CFAP97: variants seen among roughly 807,000 people sequenced by gnomAD.
CFAP97 encodes cilia- and flagella-associated protein 97.
A neutral mutation model predicts 43.1 loss-of-function variants in CFAP97; 36 were observed. That is an observed-to-expected ratio of 0.84 (90% CI 0.64 to 1.10). The LOEUF is 1.10. Ranked by LOEUF, CFAP97 falls within the 50% of genes least tolerant of loss-of-function variation. The pLI, the probability that CFAP97 is intolerant of heterozygous loss-of-function variation, is 0.00. For synonymous variants in CFAP97, 228 were observed against 225.7 expected (o/e 1.01, Z -0.09); for missense variants, 657 against 620.3 (o/e 1.06, Z -0.63).
At chr4:185,199,836 A>AG (rs943944586) in intron 1 of CFAP97, among the ~76,000 whole-genome samples, 7 of 150,734 alleles carry the variant, frequency 4.6e-5, no homozygotes, top group African/African-American at 1.7e-4. Context: ...CTCAGACAAA[A>AG]AATTCAAAAT....
At position 185,190,499 on chromosome 4, in the gene CFAP97, T is replaced by G. The variant is rs1736190796; in HGVS notation, c.698A>C (p.Gln233Pro). The change falls in exon 2 of 5, where the codon CAG becomes CCG. Residue 233 changes from glutamine to proline, a missense_variant. By Grantham distance (76) the Gln-to-Pro change is moderately conservative. Coordinates refer to ENST00000458385, the MANE Select transcript of CFAP97 (RefSeq NM_020827.3). ...YKSGIKSTET[Q>P]PSSTTPKCGH... is the part of the protein sequence containing the mutation. ...ACATTTTGGTGTAGTACTTGAAGGC[T>G]GTGTTTCTGTCGATTTTATTCCTGA... 1 of 1,613,956 alleles carries G rather than the reference T, an allele frequency of 6.2e-7. No homozygotes were observed. The highest frequency in any genetic ancestry group is 1.7e-5 in the Admixed American group (1 of 60,016).
At chr4:185,206,789 G>A (rs1370690907), upstream of CFAP97, among the ~76,000 whole-genome samples, 6 of 152,122 alleles carry the variant, frequency 3.9e-5, no homozygotes, top group Non-Finnish European at 5.9e-5. Context: ...GATTATGGAG[G>A]CTGAGAACTC....
intron 1 of CFAP97, among the ~76,000 whole-genome samples, chr4:185,193,443 G>C (rs1349046033): frequency 1.3e-5 from 2 of 152,006 alleles, no homozygotes; most frequent in Non-Finnish European, 2.9e-5. Flanking sequence ...TCAGGAGTTC[G>C]AGACTACTCT....
chr4:185,175,927 C>A lies in CFAP97; in HGVS notation c.1179G>T (p.Arg393Ser), dbSNP rs1468738368. The change falls in exon 3 of 5, where the codon AGG becomes AGT. Residue 393 changes from arginine (R) to serine (S), a missense_variant. Physicochemically the swap from Arg to Ser is moderately radical, Grantham distance 110. Transcript: ENST00000458385. ...EVRQIDRENQ[R>S]LLKELSRQAE... ...CCTGTCTTGACAGTTCTTTCAAAAG[C>A]CTCTGATTTTCCCGATCGATCTGTC... 6.2e-7 allele frequency: 1 copy of A among 1,613,734 alleles called. No individual in the cohort carries two copies. The highest frequency in any genetic ancestry group is 8.5e-7 in the Non-Finnish European group (1 of 1,179,892).
intron 2 of CFAP97, among the ~76,000 whole-genome samples, chr4:185,186,302 G>T (rs1438030814): frequency 6.6e-6 from 1 of 152,016 alleles, no homozygotes; most frequent in Non-Finnish European, 1.5e-5. Flanking sequence ...GCGTGGTGGA[G>T]GGCGCCTGTA....
Position 185,175,971 on chromosome 4 carries a change from A to C in CFAP97, c.1135T>G (p.Phe379Val), listed in dbSNP as rs780714040. The C allele has an allele frequency of 6.2e-6, 10 of 1,613,874 alleles. No homozygotes were observed. The highest frequency in any genetic ancestry group is 8.5e-6 in the Non-Finnish European group (10 of 1,179,870). The change falls in exon 3 of 5, where the codon TTC (phenylalanine) becomes GTC (valine). Residue 379 changes from phenylalanine to valine, a missense_variant. Physicochemically the swap from Phe to Val is conservative, Grantham distance 50 (BLOSUM62 -1). Coordinates refer to ENST00000458385, the MANE Select transcript of CFAP97 (RefSeq NM_020827.3). Reference protein sequence around the residue: ...PSVAPGKNYSFTREEVRQIDR... With the variant: ...PSVAPGKNYSVTREEVRQIDR... Reference sequence around the variant, plus strand: ...ATCTGTCTCACCTCTTCTCTTGTGAAAGAGTAGTTTTTCCCGGGTGCTACT... The same window carrying C: ...ATCTGTCTCACCTCTTCTCTTGTGACAGAGTAGTTTTTCCCGGGTGCTACT...
chr4:185,172,434 ACTT>A (rs1735338615), intron 3 of CFAP97, among the ~76,000 whole-genome samples: 1 of 152,132 alleles, frequency 6.6e-6, no homozygotes, highest in South Asian at 2.1e-4. Flanking sequence ...GCACAACACT[ACTT>A]CTTTGTCTGG....
chr4:185,199,682 A>G (rs998883453), intron 1 of CFAP97, among the ~76,000 whole-genome samples: 3 of 152,184 alleles, frequency 2.0e-5, no homozygotes, highest in African/African-American at 7.2e-5. Flanking sequence ...AAAAACAAAA[A>G]AGAAAAAATC....
chr4:185,209,744 C>G, upstream of CFAP97: 1 of 984,026 alleles, frequency 1.0e-6, no homozygotes, highest in South Asian at 4.7e-5. The surrounding 1 kb of genome is among the most constrained non-coding windows in gnomAD (Gnocchi z 5.2). Context: ...GAGGCATGAG[C>G]GCGGGCTCCC....
intron 2 of CFAP97, among the ~76,000 whole-genome samples, chr4:185,188,282 A>T (rs1289290402): frequency 6.6e-6 from 1 of 151,856 alleles, no homozygotes; most frequent in Non-Finnish European, 1.5e-5. Context: ...CAGCCTTCAA[A>T]GTAGCTGGGA....
intron 1 of CFAP97, 184 bp downstream of exon 1, chr4:185,203,713 AC>A (rs1248966856): frequency 6.6e-6 from 1 of 151,520 alleles, no homozygotes; most frequent in African/African-American, 2.4e-5. Flanking sequence ...CGGCGCCGCG[AC>A]CCGCCGCCGC....
chr4:185,176,373 A>T (rs1259572261), intron 2 of CFAP97, among the ~76,000 whole-genome samples: 1 of 152,094 alleles, frequency 6.6e-6, no homozygotes, highest in Non-Finnish European at 1.5e-5. Flanking sequence ...TCAGCCTCCC[A>T]AAGTGCTGGG....
chr4:185,195,158 G>T (rs867280141), intron 1 of CFAP97, among the ~76,000 whole-genome samples: 4 of 152,084 alleles, frequency 2.6e-5, no homozygotes, highest in South Asian at 2.1e-4. Context: ...GATACACTGA[G>T]ATCTACAAAA....
In CFAP97 at chr4:185,169,660, CAAAT is replaced by C. The variant is rs1298226393; in HGVS notation, c.1321-5485_1321-5482del. On this transcript the variant is annotated intron_variant, in intron 3 of 4. Coordinates refer to ENST00000458385, the MANE Select transcript of CFAP97 (RefSeq NM_020827.3). ...CTTTTGATGTTTAAACAAATGTAAA[CAAAT>C]AAATGTCTTAATGATTTCTGCAGCC... 31 of 985,294 alleles carry C rather than the reference CAAAT, an allele frequency of 3.1e-5. No homozygotes were observed. The African/African-American group carries it at 5.1e-4, about 16-fold the overall frequency. The allele number at this position is 985,294 out of a possible 1,614,324, so 61.0% of individuals were successfully genotyped here. A position where few individuals can be genotyped will look rare whatever the true frequency, so the allele number is the denominator to read the frequency against.
In CFAP97 at chr4:185,164,002, G is replaced by A. The variant is rs778902217; in HGVS notation, c.1471+27C>T. 5 of 1,597,058 alleles carry A rather than the reference G, an allele frequency of 3.1e-6. No homozygotes were observed. In the African/African-American group the frequency reaches 4.0e-5, roughly 13 times the overall value. On this transcript the variant is annotated intron_variant, in intron 4 of 4. Coordinates refer to ENST00000458385, the MANE Select transcript of CFAP97 (RefSeq NM_020827.3). ...AAAAAAGGATACAAGATACAAATAAGTATAAAATAATTTCCAAAATGCTTA... is the reference window on the plus strand; with the variant it reads ...AAAAAAGGATACAAGATACAAATAAATATAAAATAATTTCCAAAATGCTTA...
At position 185,176,001 on chromosome 4, in the gene CFAP97, G is replaced by A; in HGVS notation, c.1105C>T (p.Pro369Ser). 6.2e-7 allele frequency: 1 copy of A among 1,612,768 alleles called. No homozygotes were observed. Among genetic ancestry groups the A allele is most frequent in the Non-Finnish European group, 8.5e-7 (1 of 1,179,524 alleles). Residue 369 changes from proline (P) to serine (S), a missense_variant, in exon 3 of 5, where the codon CCT becomes TCT. Transcript: ENST00000458385. ...KGPQKHHFDQ[P>S]SVAPGKNYSF... ...TAGTTTTTCCCGGGTGCTACTGAAGGCTGATCAAAGTGATGTTTTTGTGGT... is the reference window on the plus strand; with the variant it reads ...TAGTTTTTCCCGGGTGCTACTGAAGACTGATCAAAGTGATGTTTTTGTGGT...
At chr4:185,167,858 G>C (rs1001498011) in intron 3 of CFAP97, among the ~76,000 whole-genome samples, 1 of 151,686 alleles carries the variant, frequency 6.6e-6, no homozygotes, top group African/African-American at 2.4e-5. Context: ...AATTAGCCCA[G>C]TGTGGTGGCA....
At chr4:185,193,395 C>T (rs911459135) in intron 1 of CFAP97, among the ~76,000 whole-genome samples, 4 of 152,104 alleles carry the variant, frequency 2.6e-5, no homozygotes, top group African/African-American at 9.7e-5. Flanking sequence ...TGCTGTAATC[C>T]CAGCACTTCG....
chr4:185,169,455 T>C (rs1735204439), intron 3 of CFAP97: 1 of 355,152 alleles, frequency 2.8e-6, no homozygotes, highest in Non-Finnish European at 3.9e-6. Flanking sequence ...TGATTCTAAG[T>C]TTCCTGAGGC....
Sources: allele counts gnomAD v4.1 joint callset (sites outside exome capture counted in the v4.1 genomes callset), GRCh38; gene constraint gnomAD v4.1.1; non-coding constraint Gnocchi (gnomAD v3.1); transcripts MANE v1.5; gene names NCBI Gene and HGNC (gene_info 2026-07-23, HGNC 2026-07-21).